Variants in MYO5B observed in about 807,000 individuals in gnomAD.
The protein encoded by MYO5B is myosin VB.
Under a neutral mutation model 229.3 loss-of-function variants are expected in MYO5B, and 143 were observed. The observed-to-expected ratio is 0.62, with a 90% CI of 0.54 to 0.72. The LOEUF (loss-of-function observed/expected upper bound fraction) is 0.72, where lower values mean the gene tolerates loss of function less well. Ranked by LOEUF, MYO5B falls within the 30% of genes least tolerant of loss-of-function variation. The pLI is 0.00. For missense variants in MYO5B, 2,321 were observed against 2,331.0 expected (o/e 1.00, Z 0.09); for synonymous variants, 918 against 885.2 (o/e 1.04, Z -0.66).
At chr18:50,081,591 G>A (rs2031222991) in intron 1 of MYO5B, among the ~76,000 whole-genome samples, 1 of 152,198 alleles carries the variant, frequency 6.6e-6, no homozygotes, top group Admixed American at 6.5e-5. Flanking sequence ...ATACTTTGGG[G>A]CTGATTTCAG....
At chr18:49,976,153 A>C (rs2025748332) in intron 9 of MYO5B, among the ~76,000 whole-genome samples, 1 of 152,232 alleles carries the variant, frequency 6.6e-6, no homozygotes, top group Non-Finnish European at 1.5e-5. Flanking sequence ...GGAATCCTTC[A>C]GAACATGATG....
chr18:49,873,564 G>T (rs2024481613), intron 26 of MYO5B, among the ~76,000 whole-genome samples: 1 of 152,336 alleles, frequency 6.6e-6, no homozygotes, highest in East Asian at 1.9e-4. Context: ...GGTATAGGAG[G>T]CTGTGGCTGT....
chr18:50,044,259 A>G (rs1341665484), intron 2 of MYO5B, among the ~76,000 whole-genome samples: 1 of 152,026 alleles, frequency 6.6e-6, no homozygotes, highest in Non-Finnish European at 1.5e-5. Context: ...GAGACTTGAG[A>G]GCAGATTTTT....
chr18:49,986,200 T>C (rs563625095), intron 7 of MYO5B, among the ~76,000 whole-genome samples: 1 of 152,292 alleles, frequency 6.6e-6, no homozygotes, highest in South Asian at 2.1e-4. Context: ...AGTTTCCTTA[T>C]TATCATGCAT....
intron 1 of MYO5B, among the ~76,000 whole-genome samples, chr18:50,140,896 A>G (rs1268799449): frequency 6.6e-6 from 1 of 152,214 alleles, no homozygotes; most frequent in Non-Finnish European, 1.5e-5. Flanking sequence ...AAAGGAAGAG[A>G]TGCATAGGAC....
At chr18:50,080,416 CGCCA>C (rs915984582) in intron 1 of MYO5B, among the ~76,000 whole-genome samples, 10 of 152,116 alleles carry the variant, frequency 6.6e-5, no homozygotes, top group Admixed American at 6.5e-4. Flanking sequence ...CCTCACTCTA[CGCCA>C]ATTTCTCTCC....
At chr18:49,828,939 T>C (rs1260339055) in intron 39 of MYO5B, among the ~76,000 whole-genome samples, 1 of 151,332 alleles carries the variant, frequency 6.6e-6, no homozygotes, top group Non-Finnish European at 1.5e-5. Context: ...ATCAATAACC[T>C]AACTGTATAC....
At chr18:49,888,776 C>G (rs558942431) in intron 22 of MYO5B, among the ~76,000 whole-genome samples, 1 of 152,354 alleles carries the variant, frequency 6.6e-6, no homozygotes, top group South Asian at 2.1e-4. Context: ...CAGGCTCTGT[C>G]GTTCCCATTC....
chr18:50,052,236 C>T (rs2030413163), intron 2 of MYO5B, among the ~76,000 whole-genome samples: 1 of 152,182 alleles, frequency 6.6e-6, no homozygotes, highest in South Asian at 2.1e-4. Flanking sequence ...AATCATGCTG[C>T]TATAAAGACA....
intron 1 of MYO5B, among the ~76,000 whole-genome samples, chr18:50,098,460 A>G (rs1389161887): frequency 6.6e-6 from 1 of 152,192 alleles, no homozygotes; most frequent in Non-Finnish European, 1.5e-5. Context: ...ACTGGTTACT[A>G]GGCTGGCTGT....
At chr18:49,907,954 A>G (rs369065306) in intron 18 of MYO5B, among the ~76,000 whole-genome samples, 13 of 152,322 alleles carry the variant, frequency 8.5e-5, no homozygotes, top group African/African-American at 2.6e-4. Context: ...TGAGGCAGCC[A>G]CGGCCCTGCT....
chr18:50,050,684 C>T (rs2144409517), intron 2 of MYO5B, among the ~76,000 whole-genome samples: 1 of 152,338 alleles, frequency 6.6e-6, no homozygotes, highest in East Asian at 1.9e-4. Flanking sequence ...CGCTTCTCCA[C>T]ACCTTGTCCT....
At chr18:50,116,856 A>C (rs1467856133) in intron 1 of MYO5B, among the ~76,000 whole-genome samples, 3 of 152,060 alleles carry the variant, frequency 2.0e-5, no homozygotes, top group African/African-American at 4.8e-5. Context: ...AAAAAAAAAA[A>C]AACCAAAAAA....
At chr18:49,955,720 C>T (rs887326713) in intron 12 of MYO5B, among the ~76,000 whole-genome samples, 1 of 152,208 alleles carries the variant, frequency 6.6e-6, no homozygotes, top group East Asian at 1.9e-4. Context: ...TTGAAGGAGG[C>T]TATTAATTGC....
intron 4 of MYO5B, among the ~76,000 whole-genome samples, chr18:50,014,426 T>C (rs914198803): frequency 3.9e-5 from 6 of 152,080 alleles, no homozygotes; most frequent in Admixed American, 1.3e-4. Flanking sequence ...TCTGTAAAAC[T>C]TGGTTTCCTC....
intron 27 of MYO5B, among the ~76,000 whole-genome samples, chr18:49,868,392 G>C (rs2024421193): frequency 6.6e-6 from 1 of 152,160 alleles, no homozygotes; most frequent in Admixed American, 6.5e-5. Flanking sequence ...ATAAGCCAAT[G>C]GCTGGATAGT....
At chr18:50,113,480 G>T (rs1044349457) in intron 1 of MYO5B, among the ~76,000 whole-genome samples, 2 of 152,212 alleles carry the variant, frequency 1.3e-5, no homozygotes, top group Admixed American at 6.5e-5. Flanking sequence ...CACATTGCTG[G>T]ACCATGGAAC....
Position 50,070,801 on chromosome 18 carries a change from C to G in MYO5B, c.28-15423G>C, listed in dbSNP as rs549431724. Among the ~76,000 whole-genome samples, 27 of 152,012 alleles carry G rather than the reference C, an allele frequency of 1.8e-4. No homozygotes were observed. In the South Asian group the frequency reaches 5.6e-3, roughly 32 times the overall value. ...CTGCACCCCCCGGCCCCTGCACACC[C>G]CCACTGCCCCCTGCCTGCATACCAT... On this transcript the variant is annotated intron_variant, in intron 1 of 39. Transcript: ENST00000285039.
intron 7 of MYO5B, among the ~76,000 whole-genome samples, chr18:49,986,921 A>G (rs999075994): frequency 2.0e-5 from 3 of 152,164 alleles, no homozygotes; most frequent in Admixed American, 6.5e-5. Context: ...AAAAACGACA[A>G]TTTATCTATG....
Sources: gnomAD v4.1 joint callset for allele counts (sites outside exome capture counted in the v4.1 genomes callset) on GRCh38, gnomAD v4.1.1 for gene constraint, MANE v1.5 for transcripts, NCBI Gene and HGNC (gene_info 2026-07-23, HGNC 2026-07-21) for gene names.